The following SYN3 variants were observed in gnomAD, a reference collection of about 807,000 sequenced individuals.
The protein encoded by SYN3 is synapsin-3.
SYN3 carries 35 observed loss-of-function variants against 65.8 expected under a neutral mutation model. The ratio of observed to expected loss-of-function variants is 0.53; its 90% confidence interval spans 0.41 to 0.70. The LOEUF is 0.70. SYN3 is among the 30% of genes least tolerant of loss of function. The pLI is 0.00. For synonymous variants in SYN3, 270 were observed against 292.9 expected, an observed-to-expected ratio of 0.92 and a Z score of 0.80; for missense variants, 680 against 749.0, an observed-to-expected ratio of 0.91 and a Z score of 1.08.
At chr22:32,664,255 A>G (rs1212886891) in intron 6 of SYN3, among the ~76,000 whole-genome samples, 1 of 152,178 alleles carries the variant, frequency 6.6e-6, no homozygotes, top group African/African-American at 2.4e-5. Context: ...CTTGGAGATA[A>G]GATTTCCCCT....
intron 6 of SYN3, among the ~76,000 whole-genome samples, chr22:32,712,205 A>G (rs2060975454): frequency 6.6e-6 from 1 of 152,110 alleles, no homozygotes; most frequent in Non-Finnish European, 1.5e-5. Context: ...GCTCCTTATC[A>G]TTTGGGTTTC....
chr22:32,709,174 C>T (rs897590463), intron 6 of SYN3, among the ~76,000 whole-genome samples: 1 of 152,212 alleles, frequency 6.6e-6, no homozygotes, highest in Admixed American at 6.5e-5. Context: ...CTCTTGCAGG[C>T]CCTTCCAGGA....
intron 3 of SYN3, among the ~76,000 whole-genome samples, chr22:32,972,659 CA>C (rs1046432261): frequency 1.3e-4 from 20 of 152,124 alleles, no homozygotes; most frequent in Admixed American, 1.2e-3. Flanking sequence ...ACAACTATAG[CA>C]GTTTGAACAA....
intron 6 of SYN3, among the ~76,000 whole-genome samples, chr22:32,730,179 A>G (rs1449130420): frequency 6.6e-6 from 1 of 152,234 alleles, no homozygotes; most frequent in Non-Finnish European, 1.5e-5. Flanking sequence ...AAGAATAACC[A>G]TTGTAATGGT....
At position 32,542,505 on chromosome 22, in the gene SYN3, TGTG is replaced by T. The variant is rs777428694; in HGVS notation, c.775-795_775-793del. Among the ~76,000 whole-genome samples the T allele has an allele frequency of 7.3e-5, 11 of 151,588 alleles. 1 individual carries two copies. Among genetic ancestry groups the T allele is most frequent in the Non-Finnish European group, 7.4e-5 (5 of 67,874 alleles). On this transcript the variant is annotated intron_variant, in intron 7 of 13. Coordinates refer to ENST00000358763, the MANE Select transcript of SYN3 (RefSeq NM_003490.4). ...TGCTGTGTGTGCTGTGAGTTGTACA[TGTG>T]GTGTGTAGTATGCGGTGCTTCTGTG...
At chr22:32,802,511 T>TAA (rs879693641) in intron 6 of SYN3, among the ~76,000 whole-genome samples, 14 of 137,794 alleles carry the variant, frequency 1.0e-4, no homozygotes, top group African/African-American at 2.4e-4. Context: ...ATTGAATAGT[T>TAA]AAAAAAAAAA....
chr22:33,020,819 G>A (rs1463127635), intron 1 of SYN3, among the ~76,000 whole-genome samples: 1 of 152,114 alleles, frequency 6.6e-6, no homozygotes, highest in Non-Finnish European at 1.5e-5. Flanking sequence ...TGGATCCTGG[G>A]ACCAGGTTGC....
At chr22:32,932,757 C>T (rs2050668239) in intron 3 of SYN3, among the ~76,000 whole-genome samples, 1 of 152,162 alleles carries the variant, frequency 6.6e-6, no homozygotes, top group Non-Finnish European at 1.5e-5. Context: ...CTATAACCAC[C>T]TGTCTTAGTC....
intron 6 of SYN3, among the ~76,000 whole-genome samples, chr22:32,602,052 T>G (rs2146622852): frequency 1.3e-5 from 2 of 152,278 alleles, no homozygotes; most frequent in Admixed American, 1.3e-4. Context: ...AAATCAGTGT[T>G]TGCATTGGTC....
chr22:32,515,864 T>A (rs1369622532), intron 13 of SYN3, among the ~76,000 whole-genome samples: 4 of 152,008 alleles, frequency 2.6e-5, no homozygotes, highest in African/African-American at 9.7e-5. Context: ...AGTGGCACGA[T>A]CTCAGCTCAC....
chr22:32,909,115 A>G (rs927603156), intron 4 of SYN3, among the ~76,000 whole-genome samples: 1 of 152,290 alleles, frequency 6.6e-6, no homozygotes. Context: ...AACCCTGGGA[A>G]AGAAGGACGC....
chr22:32,677,869 AGT>A (rs989770546), intron 6 of SYN3, among the ~76,000 whole-genome samples: 1 of 151,802 alleles, frequency 6.6e-6, no homozygotes, highest in African/African-American at 2.4e-5. Flanking sequence ...GCTGGAGAGA[AGT>A]GTGTGTGTGT....
At position 33,006,445 on chromosome 22, in the gene SYN3, G is replaced by T. The variant is rs759958159; in HGVS notation, c.218C>A (p.Ala73Asp). 1.2e-6 allele frequency: 2 copies of T among 1,614,192 alleles called. No homozygotes were observed. The highest frequency in any genetic ancestry group is 2.2e-5 in the South Asian group (2 of 91,084). Residue 73 changes from alanine (A) to aspartate (D), a missense_variant, in exon 2 of 14, where the codon GCC becomes GAC. Transcript: ENST00000358763. ...TGGAGGCTCCATCAGTCCTGAGGTG[G>T]CCTGAGGGGCCTGCTTCATGGCACT... ...LSSAMKQAPQ[A>D]TSGLMEPPGP...
intron 7 of SYN3, among the ~76,000 whole-genome samples, chr22:32,563,097 C>T (rs144896952): frequency 1.2e-3 from 177 of 152,336 alleles, no homozygotes; most frequent in Non-Finnish European, 1.6e-3. Context: ...TCTGACTCAC[C>T]GATTGCCATA....
At chr22:33,010,653 A>C (rs992530800) in intron 1 of SYN3, among the ~76,000 whole-genome samples, 4 of 152,144 alleles carry the variant, frequency 2.6e-5, no homozygotes, top group African/African-American at 4.8e-5. Flanking sequence ...CCTAGGTCCT[A>C]TTTTCATATG....
chr22:32,814,349 G>GAAAGGAAGAAAGGAAGAAAGAAAGAA (rs1315475497), intron 6 of SYN3, among the ~76,000 whole-genome samples: 9 of 148,420 alleles, frequency 6.1e-5, no homozygotes, highest in African/African-American at 1.8e-4. Flanking sequence ...GAGAAAGAAA[G>GAAAGGAAGAAAGGAAGAAAGAAAGAA]AGAGAAAGAA....
intron 4 of SYN3, among the ~76,000 whole-genome samples, chr22:32,922,881 A>AAGGAATGGAAGCTGGAGAAAGCC (rs1361121004): frequency 3.9e-5 from 6 of 152,168 alleles, no homozygotes; most frequent in African/African-American, 9.7e-5. Flanking sequence ...GCCAAAGCAG[A>AAGGAATGGAAGCTGGAGAAAGCC]AGGAATGGAA....
chr22:32,551,544 G>A (rs2058415277), intron 7 of SYN3, among the ~76,000 whole-genome samples: 1 of 150,912 alleles, frequency 6.6e-6, no homozygotes, highest in African/African-American at 2.4e-5. Context: ...AAAAAACAGA[G>A]GAGACTGAAC....
intron 6 of SYN3, among the ~76,000 whole-genome samples, chr22:32,752,903 G>A (rs562822253): frequency 6.6e-6 from 1 of 152,208 alleles, no homozygotes; most frequent in South Asian, 2.1e-4. Flanking sequence ...AAATGGAGCG[G>A]GGGTGAGTGG....
Sources: allele counts gnomAD v4.1 joint callset (sites outside exome capture counted in the v4.1 genomes callset), GRCh38; gene constraint gnomAD v4.1.1; transcripts MANE v1.5; gene names NCBI Gene and HGNC (gene_info 2026-07-23, HGNC 2026-07-21).